AFG2A: variants seen among roughly 807,000 people sequenced by gnomAD.
AFG2A encodes the protein AAA ATPase AFG2A.
chr4:122,951,433 T>TACACACACACACACACAC, the AFG2A span, among the ~76,000 whole-genome samples: 262 of 148,600 alleles, frequency 1.8e-3, 3 homozygotes, highest in African/African-American at 6.1e-3. Flanking sequence ...TTTTCCAAAG[T>TACACACACACACACACAC]ACACACACAC....
chr4:123,134,594 G>T, the AFG2A span, among the ~76,000 whole-genome samples: 2 of 99,126 alleles, frequency 2.0e-5, no homozygotes, highest in Non-Finnish European at 4.3e-5. Context: ...TGAATTTTAG[G>T]ATTTTTTTTT....
chr4:122,947,147 C>T, the AFG2A span: 32 of 1,335,846 alleles, frequency 2.4e-5, no homozygotes, highest in Admixed American at 5.8e-5. Context: ...GATGTTTCAT[C>T]CTTGTCTATA....
the AFG2A span, among the ~76,000 whole-genome samples, chr4:123,039,909 TCTTAA>T: frequency 8.5e-5 from 13 of 152,122 alleles, no homozygotes; most frequent in Non-Finnish European, 1.5e-5. Flanking sequence ...TTTCCCTACC[TCTTAA>T]CTTATTTCTT....
the AFG2A span, among the ~76,000 whole-genome samples, chr4:123,173,480 C>G: frequency 6.7e-6 from 1 of 150,310 alleles, no homozygotes; most frequent in Non-Finnish European, 1.5e-5. Context: ...CTCAGCCTCC[C>G]GAGTAGCTGG....
At chr4:122,938,191 A>G in the AFG2A span, 12 of 1,610,730 alleles carry the variant, frequency 7.5e-6, no homozygotes, top group Non-Finnish European at 9.3e-6. Context: ...GGGGCCCAGA[A>G]TGAAGTGGAA....
chr4:123,094,342 G>C, the AFG2A span, among the ~76,000 whole-genome samples: 2 of 152,102 alleles, frequency 1.3e-5, no homozygotes, highest in African/African-American at 4.8e-5. Context: ...TCCCATCATG[G>C]CTTGAATTAG....
At chr4:123,289,376 A>G in the AFG2A span, among the ~76,000 whole-genome samples, 3 of 152,188 alleles carry the variant, frequency 2.0e-5, no homozygotes, top group Admixed American at 1.3e-4. Context: ...GTAGTATTCC[A>G]TGGTATATAT....
the AFG2A span, among the ~76,000 whole-genome samples, chr4:123,209,424 T>G: frequency 1.3e-5 from 2 of 152,212 alleles, no homozygotes; most frequent in Non-Finnish European, 2.9e-5. Flanking sequence ...AAAAAATTTT[T>G]TTTTCAACTC....
the AFG2A span, among the ~76,000 whole-genome samples, chr4:123,290,375 C>T: frequency 6.6e-6 from 1 of 152,042 alleles, no homozygotes; most frequent in African/African-American, 2.4e-5. Context: ...TTTTTTTATA[C>T]AGTGAGAGAC....
the AFG2A span, among the ~76,000 whole-genome samples, chr4:123,193,233 G>A: frequency 6.6e-6 from 1 of 152,166 alleles, no homozygotes; most frequent in African/African-American, 2.4e-5. Flanking sequence ...TAAGGCTGTT[G>A]TTTATGCACG....
At chr4:123,064,701 T>C in the AFG2A span, among the ~76,000 whole-genome samples, 1 of 152,180 alleles carries the variant, frequency 6.6e-6, no homozygotes, top group African/African-American at 2.4e-5. Context: ...ACTTCTATTG[T>C]CCAGGACATT....
the AFG2A span, among the ~76,000 whole-genome samples, chr4:122,967,400 T>TA: frequency 0.023 from 3,434 of 149,420 alleles, 61 homozygotes; most frequent in Non-Finnish European, 0.036. Flanking sequence ...CCTTGTCTCT[T>TA]AAAAAAAAAA....
chr4:123,215,705 C>G, the AFG2A span, among the ~76,000 whole-genome samples: 1 of 152,098 alleles, frequency 6.6e-6, no homozygotes. Flanking sequence ...TCCCTCCACA[C>G]CAACTAAAGA....
the AFG2A span, among the ~76,000 whole-genome samples, chr4:123,194,868 A>G: frequency 2.6e-5 from 4 of 152,210 alleles, no homozygotes; most frequent in African/African-American, 7.2e-5. Context: ...TTATCAGAAC[A>G]ACACTTCTTA....
At chr4:123,275,451 T>C in the AFG2A span, among the ~76,000 whole-genome samples, 19 of 152,166 alleles carry the variant, frequency 1.2e-4, no homozygotes, top group Non-Finnish European at 2.4e-4. Flanking sequence ...TATATTCTTA[T>C]GTAATTGACT....
chr4:123,161,202 G>A, the AFG2A span, among the ~76,000 whole-genome samples: 4 of 152,098 alleles, frequency 2.6e-5, no homozygotes, highest in African/African-American at 9.7e-5. Context: ...ATTAGATGAT[G>A]GAGATTTATG....
chr4:123,191,622 C>T, the AFG2A span, among the ~76,000 whole-genome samples: 1 of 152,050 alleles, frequency 6.6e-6, no homozygotes, highest in Non-Finnish European at 1.5e-5. Context: ...TTCTCATTCT[C>T]TCATCTATCC....
the AFG2A span, chr4:122,933,618 C>A: frequency 2.8e-6 from 2 of 709,830 alleles, no homozygotes; most frequent in South Asian, 1.9e-5. Context: ...TGAGAATATT[C>A]CCCTCAATGA....
At chr4:122,977,448 C>G in the AFG2A span, among the ~76,000 whole-genome samples, 1 of 152,204 alleles carries the variant, frequency 6.6e-6, no homozygotes, top group Non-Finnish European at 1.5e-5. Flanking sequence ...ACCAGGCATA[C>G]CACAAGTGTT....
Sources: allele counts gnomAD v4.1 joint callset (sites outside exome capture counted in the v4.1 genomes callset), GRCh38; gene constraint gnomAD v4.1.1; transcripts MANE v1.5; gene names NCBI Gene and HGNC (gene_info 2026-07-23, HGNC 2026-07-21).